The following MEI4 variants were observed in gnomAD, a reference collection of about 807,000 sequenced individuals.
The protein encoded by MEI4 is meiotic double-stranded break formation protein 4.
In MEI4, 27 loss-of-function variants were observed where a neutral mutation model predicts 31.4. The observed-to-expected ratio is 0.86, with a 90% CI of 0.63 to 1.19. The LOEUF is 1.19. Among genes scored for constraint, MEI4 ranks in the 50% most tolerant of loss-of-function variants. The pLI, the probability that MEI4 is intolerant of heterozygous loss-of-function variation, is 0.00. For missense variants in MEI4, 329 were observed against 398.9 expected (o/e 0.82, Z 1.49); for synonymous variants, 122 against 145.4 (o/e 0.84, Z 1.16).
At chr6:77,773,493 G>A (rs1357475115) in intron 3 of MEI4, among the ~76,000 whole-genome samples, 1 of 151,982 alleles carries the variant, frequency 6.6e-6, no homozygotes, top group African/African-American at 2.4e-5. Context: ...GTAAAGGAGT[G>A]ATACTAGACC....
intron 3 of MEI4, among the ~76,000 whole-genome samples, chr6:77,792,519 T>C (rs1313288884): frequency 6.6e-6 from 1 of 152,162 alleles, no homozygotes; most frequent in Non-Finnish European, 1.5e-5. Flanking sequence ...TGAGGTGACA[T>C]CTTTTTGGAT....
At chr6:77,898,568 G>GT (rs1766130037) in intron 4 of MEI4, among the ~76,000 whole-genome samples, 1 of 151,948 alleles carries the variant, frequency 6.6e-6, no homozygotes, top group Non-Finnish European at 1.5e-5. Context: ...TATTGCCTTT[G>GT]TAGTAGTAAG....
chr6:77,671,538 A>G (rs1000335658), intron 1 of MEI4, among the ~76,000 whole-genome samples: 5 of 152,320 alleles, frequency 3.3e-5, no homozygotes, highest in South Asian at 4.1e-4. Context: ...TCATTTTCTT[A>G]TGTCTCAAGG....
chr6:77,687,686 C>A (rs1769083347), intron 1 of MEI4, among the ~76,000 whole-genome samples: 1 of 152,060 alleles, frequency 6.6e-6, no homozygotes, highest in Admixed American at 6.6e-5. Context: ...GTAAGTCACT[C>A]TATTTATTAC....
intron 1 of MEI4, among the ~76,000 whole-genome samples, chr6:77,663,877 T>G (rs1200639557): frequency 2.0e-5 from 3 of 152,124 alleles, no homozygotes; most frequent in African/African-American, 7.2e-5. Context: ...TGGGCCAGAG[T>G]TCCAGGGGCT....
At chr6:77,808,081 A>G (rs1342002239) in intron 3 of MEI4, among the ~76,000 whole-genome samples, 1 of 152,184 alleles carries the variant, frequency 6.6e-6, no homozygotes, top group Admixed American at 6.5e-5. Flanking sequence ...TGCCTGGGCC[A>G]GTTCTGTTAT....
intron 2 of MEI4, among the ~76,000 whole-genome samples, chr6:77,691,330 G>A (rs1031584350): frequency 3.9e-5 from 6 of 151,984 alleles, no homozygotes; most frequent in Admixed American, 2.6e-4. Flanking sequence ...TACCATTCTA[G>A]CAGAGAAAAC....
intron 3 of MEI4, among the ~76,000 whole-genome samples, chr6:77,821,605 G>T (rs1769827044): frequency 6.6e-6 from 1 of 151,864 alleles, no homozygotes; most frequent in African/African-American, 2.4e-5. Context: ...AGACCTGCCT[G>T]ACCAACATGG....
intron 3 of MEI4, among the ~76,000 whole-genome samples, chr6:77,819,241 T>C (rs1035888700): frequency 2.0e-4 from 30 of 152,176 alleles, no homozygotes; most frequent in Non-Finnish European, 8.8e-5. Context: ...TTAATCTATA[T>C]TGAACTCAAT....
intron 4 of MEI4, among the ~76,000 whole-genome samples, chr6:77,865,678 G>A (rs576972296): frequency 1.3e-5 from 2 of 152,124 alleles, no homozygotes; most frequent in Non-Finnish European, 2.9e-5. Context: ...CATTCCTTCT[G>A]AAACTATTCC....
intron 1 of MEI4, among the ~76,000 whole-genome samples, chr6:77,680,179 T>C (rs1441345127): frequency 7.0e-6 from 1 of 142,690 alleles, no homozygotes; most frequent in South Asian, 2.2e-4. Context: ...CTCAGGAGGC[T>C]GAGGCAGCAG....
chr6:77,890,057 C>T (rs190886041), intron 4 of MEI4, among the ~76,000 whole-genome samples: 7 of 152,288 alleles, frequency 4.6e-5, no homozygotes, highest in African/African-American at 1.7e-4. Context: ...TATGCTAGCA[C>T]AATGTGGAAG....
At chr6:77,739,597 C>T (rs1286472621) in intron 2 of MEI4, among the ~76,000 whole-genome samples, 1 of 152,002 alleles carries the variant, frequency 6.6e-6, no homozygotes, top group Non-Finnish European at 1.5e-5. Context: ...GGGAGGGACA[C>T]CATTAGGACA....
rs397772103 is a variant in MEI4, at chr6:77,838,245, AT to A, written c.900+9196del. Reference sequence around the variant, plus strand: ...GGAAGACAGGTCTGGGTAACCAGAAATTTTTTTTTTTTTACTGTAGGTATGT... The same window carrying A: ...GGAAGACAGGTCTGGGTAACCAGAAATTTTTTTTTTTTACTGTAGGTATGT... On this transcript the variant is annotated intron_variant, in intron 4 of 4. Transcript: ENST00000684080. Among the ~76,000 whole-genome samples, 623 of 147,464 alleles carry A rather than the reference AT, an allele frequency of 4.2e-3. 4 individuals carry two copies. Among genetic ancestry groups the A allele is most frequent in the African/African-American group, 9.4e-3 (379 of 40,380 alleles).
intron 3 of MEI4, among the ~76,000 whole-genome samples, chr6:77,789,707 A>C (rs1768860162): frequency 6.6e-6 from 1 of 152,192 alleles, no homozygotes; most frequent in Non-Finnish European, 1.5e-5. Context: ...ACAATGAGAT[A>C]CCATCTCACA....
intron 4 of MEI4, among the ~76,000 whole-genome samples, chr6:77,854,600 A>G (rs1397235340): frequency 2.0e-5 from 3 of 152,148 alleles, no homozygotes; most frequent in Non-Finnish European, 4.4e-5. Context: ...CCCTAGTAGT[A>G]ATAGCCACAT....
intron 1 of MEI4, among the ~76,000 whole-genome samples, chr6:77,683,279 G>A (rs2127649876): frequency 2.0e-5 from 3 of 151,762 alleles, no homozygotes; most frequent in Middle Eastern, 6.8e-3. Flanking sequence ...GCTTTATTAA[G>A]GTATCAACAA....
chr6:77,739,579 G>C (rs554472428), intron 2 of MEI4, among the ~76,000 whole-genome samples: 1 of 152,064 alleles, frequency 6.6e-6, no homozygotes, highest in African/African-American at 2.4e-5. Flanking sequence ...CAGGGGGTGG[G>C]GAGCAAGGGG....
chr6:77,908,838 A>G (rs539189847), intron 4 of MEI4, among the ~76,000 whole-genome samples: 1 of 152,268 alleles, frequency 6.6e-6, no homozygotes, highest in African/African-American at 2.4e-5. Context: ...AGGAGCACCC[A>G]GATTCATAAA....
Sources: allele counts gnomAD v4.1 joint callset (sites outside exome capture counted in the v4.1 genomes callset), GRCh38; gene constraint gnomAD v4.1.1; transcripts MANE v1.5; gene names NCBI Gene and HGNC (gene_info 2026-07-23, HGNC 2026-07-21).